NAV2: variants seen among roughly 807,000 people sequenced by gnomAD.
NAV2 encodes the protein helicase, APC down-regulated 1.
In NAV2, 54 loss-of-function variants were observed where a neutral mutation model predicts 223.2. That is an observed-to-expected ratio of 0.24 (90% CI 0.19 to 0.30). The LOEUF is 0.30. NAV2 is among the 10% of genes least tolerant of loss of function. The pLI, the probability that NAV2 is intolerant of heterozygous loss-of-function variation, is 1.00. For missense variants in NAV2, 2,806 were observed against 3,147.5 expected (o/e 0.89, Z 2.60); for synonymous variants, 1,279 against 1,239.3 (o/e 1.03, Z -0.67).
At chr11:19,856,457 G>T (rs1026809517) in intron 3 of NAV2, among the ~76,000 whole-genome samples, 1 of 152,120 alleles carries the variant, frequency 6.6e-6, no homozygotes, top group Non-Finnish European at 1.5e-5. Context: ...AAAATATTTT[G>T]TGTATTCCTT....
chr11:20,107,999 C>G (rs901988646), intron 36 of NAV2, among the ~76,000 whole-genome samples: 1 of 152,214 alleles, frequency 6.6e-6, no homozygotes, highest in African/African-American at 2.4e-5. Context: ...AGCTGGTTAG[C>G]CTTTCTGTGC....
intron 11 of NAV2, among the ~76,000 whole-genome samples, chr11:19,992,275 G>A (rs73434148): frequency 0.05 from 7,653 of 152,290 alleles, 603 homozygotes; most frequent in African/African-American, 0.17. Flanking sequence ...ACTACCTGTA[G>A]GATCAGTGGC....
At chr11:19,441,822 C>A (rs77816608) in intron 1 of NAV2, among the ~76,000 whole-genome samples, 1 of 152,272 alleles carries the variant, frequency 6.6e-6, no homozygotes, top group African/African-American at 2.4e-5. Flanking sequence ...TGGAATCCAC[C>A]CTTCTGTCAG....
chr11:20,112,972 G>A (rs905420484), intron 36 of NAV2, among the ~76,000 whole-genome samples: 6 of 152,220 alleles, frequency 3.9e-5, no homozygotes, highest in African/African-American at 1.2e-4. Flanking sequence ...CAGACAGACA[G>A]CCGTGGCCAC....
intron 1 of NAV2, among the ~76,000 whole-genome samples, chr11:19,609,849 T>G (rs1339833330): frequency 1.3e-5 from 2 of 152,234 alleles, no homozygotes; most frequent in Non-Finnish European, 2.9e-5. Flanking sequence ...TTGGCTCTAG[T>G]GCCAAGACTG....
chr11:19,638,671 G>A (rs2047572009), intron 1 of NAV2, among the ~76,000 whole-genome samples: 1 of 152,160 alleles, frequency 6.6e-6, no homozygotes, highest in Non-Finnish European at 1.5e-5. Context: ...TGCAAAGTTA[G>A]AAATGAGCCG....
At chr11:19,636,050 C>T (rs1004672127) in intron 1 of NAV2, among the ~76,000 whole-genome samples, 1 of 152,162 alleles carries the variant, frequency 6.6e-6, no homozygotes, top group Non-Finnish European at 1.5e-5. Flanking sequence ...GAAATGACAA[C>T]GAACTTATCT....
intron 11 of NAV2, among the ~76,000 whole-genome samples, chr11:20,002,797 C>T (rs951185493): frequency 6.6e-6 from 1 of 152,164 alleles, no homozygotes; most frequent in Admixed American, 6.5e-5. Context: ...TACCCCAGCG[C>T]CCCTGGAACT....
intron 1 of NAV2, among the ~76,000 whole-genome samples, chr11:19,544,798 C>T (rs1051055518): frequency 1.3e-4 from 20 of 152,230 alleles, no homozygotes; most frequent in Non-Finnish European, 2.5e-4. Flanking sequence ...GAGCCTGCCC[C>T]TGCCACTTCC....
At chr11:19,363,509 C>G (rs12278381) in intron 1 of NAV2, among the ~76,000 whole-genome samples, 9,182 of 152,260 alleles carry the variant, frequency 0.06, 421 homozygotes, top group South Asian at 0.16. Flanking sequence ...GAAATTCAAA[C>G]CCAAGTATGT....
At chr11:19,755,265 T>C (rs1341870819) in intron 1 of NAV2, among the ~76,000 whole-genome samples, 2 of 152,234 alleles carry the variant, frequency 1.3e-5, no homozygotes, top group African/African-American at 4.8e-5. Flanking sequence ...ATAAGAGAAT[T>C]GGCTTGCCCA....
intron 6 of NAV2, among the ~76,000 whole-genome samples, chr11:19,913,278 A>C (rs2043475487): frequency 6.6e-6 from 1 of 152,002 alleles, no homozygotes; most frequent in Non-Finnish European, 1.5e-5. Context: ...AAATCAAAGG[A>C]CCTCCCTCTT....
chr11:19,488,787 G>T (rs1447133287), intron 1 of NAV2, among the ~76,000 whole-genome samples: 1 of 152,120 alleles, frequency 6.6e-6, no homozygotes, highest in Admixed American at 6.6e-5. Context: ...TACAAATAAT[G>T]TACAAATGAA....
intron 1 of NAV2, among the ~76,000 whole-genome samples, chr11:19,801,183 T>A (rs2058228582): frequency 6.6e-6 from 1 of 152,250 alleles, no homozygotes; most frequent in African/African-American, 2.4e-5. Context: ...AGGTCATTTT[T>A]ACTGTCTGTG....
intron 1 of NAV2, among the ~76,000 whole-genome samples, chr11:19,614,049 A>G (rs1027314534): frequency 6.6e-6 from 1 of 152,204 alleles, no homozygotes; most frequent in African/African-American, 2.4e-5. Context: ...GGCCCCTTTC[A>G]TGAAAAAGCT....
chr11:19,917,331 G>A (rs1460794898), intron 6 of NAV2, among the ~76,000 whole-genome samples: 1 of 152,118 alleles, frequency 6.6e-6, no homozygotes, highest in Non-Finnish European at 1.5e-5. Context: ...TAACTTTTGT[G>A]ACAGTATATT....
chr11:19,733,463 C>T (rs1310768700), intron 1 of NAV2, among the ~76,000 whole-genome samples: 2 of 152,064 alleles, frequency 1.3e-5, no homozygotes, highest in South Asian at 2.1e-4. Context: ...TACGGGAGAC[C>T]GAAACAGTGG....
At chr11:19,492,486 A>G (rs970832943) in intron 1 of NAV2, among the ~76,000 whole-genome samples, 1 of 151,954 alleles carries the variant, frequency 6.6e-6, no homozygotes, top group African/African-American at 2.4e-5. Flanking sequence ...TTTGGATGTG[A>G]TGGCTGTAGT....
intron 1 of NAV2, among the ~76,000 whole-genome samples, chr11:19,646,430 C>T (rs1187447961): frequency 6.6e-6 from 1 of 152,188 alleles, no homozygotes; most frequent in Non-Finnish European, 1.5e-5. Context: ...GTTTGGCAGG[C>T]AGGCTTCCTC....
Sources: allele counts gnomAD v4.1 joint callset (sites outside exome capture counted in the v4.1 genomes callset), GRCh38; gene constraint gnomAD v4.1.1; transcripts MANE v1.5; gene names NCBI Gene and HGNC (gene_info 2026-07-23, HGNC 2026-07-21).